The following AGBL4 variants were observed in gnomAD, a reference collection of about 807,000 sequenced individuals.
The protein encoded by AGBL4 is cytosolic carboxypeptidase 6.
AGBL4 carries 58 observed loss-of-function variants against 66.4 expected under a neutral mutation model. The observed-to-expected ratio is 0.87, with a 90% CI of 0.71 to 1.09. The LOEUF is 1.09. Among genes scored for constraint, AGBL4 ranks in the 50% least tolerant of loss-of-function variants. The pLI is 0.00. For synonymous variants in AGBL4, 234 were observed against 222.9 expected, an observed-to-expected ratio of 1.05 and a Z score of -0.44; for missense variants, 579 against 631.0, an observed-to-expected ratio of 0.92 and a Z score of 0.88.
intron 4 of AGBL4, among the ~76,000 whole-genome samples, chr1:49,239,509 T>G (rs929795747): frequency 6.6e-5 from 10 of 152,162 alleles, no homozygotes; most frequent in Non-Finnish European, 1.5e-4. Context: ...TCATTATTAT[T>G]CAAACATGGT....
intron 11 of AGBL4, among the ~76,000 whole-genome samples, chr1:48,542,603 C>CT (rs1393925511): frequency 5.9e-5 from 9 of 152,182 alleles, no homozygotes; most frequent in Admixed American, 1.3e-4. Flanking sequence ...TGATGATGAG[C>CT]TTTTTTTCAT....
At chr1:49,538,530 A>G (rs1213766376) in intron 3 of AGBL4, among the ~76,000 whole-genome samples, 1 of 152,226 alleles carries the variant, frequency 6.6e-6, no homozygotes, top group Non-Finnish European at 1.5e-5. Flanking sequence ...ATGATGCATC[A>G]TATTCTGTTT....
intron 2 of AGBL4, among the ~76,000 whole-genome samples, chr1:49,726,510 C>T (rs1649042825): frequency 6.6e-6 from 1 of 151,958 alleles, no homozygotes; most frequent in Non-Finnish European, 1.5e-5. Context: ...GAAACCCTAA[C>T]CAAAGCAGTG....
intron 3 of AGBL4, among the ~76,000 whole-genome samples, chr1:49,580,577 G>A (rs1008026192): frequency 6.6e-6 from 1 of 152,136 alleles, no homozygotes; most frequent in Non-Finnish European, 1.5e-5. Context: ...TTGTAGAACT[G>A]GACTGGTGGT....
At chr1:48,704,317 C>T (rs771613811) in intron 6 of AGBL4, among the ~76,000 whole-genome samples, 3 of 152,122 alleles carry the variant, frequency 2.0e-5, no homozygotes, top group African/African-American at 4.8e-5. Flanking sequence ...TTACTGTGCA[C>T]GAGTGTAGAC....
chr1:48,942,995 C>A, intron 5 of AGBL4, among the ~76,000 whole-genome samples: 1 of 152,216 alleles, frequency 6.6e-6, no homozygotes, highest in East Asian at 1.9e-4. Context: ...AGCAAATTAT[C>A]TAATCATCAT....
At chr1:49,412,029 T>C (rs1296878933) in intron 3 of AGBL4, among the ~76,000 whole-genome samples, 1 of 152,220 alleles carries the variant, frequency 6.6e-6, no homozygotes, top group Non-Finnish European at 1.5e-5. Flanking sequence ...AATTTGTTCA[T>C]TCACTCATGT....
intron 5 of AGBL4, among the ~76,000 whole-genome samples, chr1:48,979,663 C>A (rs1659597059): frequency 6.6e-6 from 1 of 151,710 alleles, no homozygotes; most frequent in African/African-American, 2.4e-5. Context: ...CTTCAGTGAA[C>A]AAATGTGCAT....
At chr1:48,665,822 C>G (rs1646177807) in intron 6 of AGBL4, among the ~76,000 whole-genome samples, 1 of 152,172 alleles carries the variant, frequency 6.6e-6, no homozygotes, top group Non-Finnish European at 1.5e-5. Flanking sequence ...AACACTGACC[C>G]CATCTTCCAG....
At chr1:48,893,877 C>T (rs1651244629) in intron 5 of AGBL4, among the ~76,000 whole-genome samples, 1 of 152,022 alleles carries the variant, frequency 6.6e-6, no homozygotes. Flanking sequence ...GAAAAAAGTT[C>T]CATTGTCTAC....
intron 3 of AGBL4, among the ~76,000 whole-genome samples, chr1:49,326,175 G>A (rs1195922912): frequency 1.3e-5 from 2 of 152,078 alleles, no homozygotes; most frequent in African/African-American, 2.4e-5. Flanking sequence ...TGTGGTCCAG[G>A]TCTGCAAGGA....
chr1:49,009,658 C>T (rs1662215959), intron 5 of AGBL4, among the ~76,000 whole-genome samples: 1 of 150,670 alleles, frequency 6.6e-6, no homozygotes, highest in African/African-American at 2.4e-5. Context: ...AATCCAGCAG[C>T]ACATCAAAAA....
intron 5 of AGBL4, among the ~76,000 whole-genome samples, chr1:48,939,870 A>G (rs1229725024): frequency 6.6e-6 from 1 of 152,224 alleles, no homozygotes; most frequent in African/African-American, 2.4e-5. Context: ...CACAGCGGAC[A>G]TCTGATAATA....
At chr1:48,555,766 A>G (rs2148290033) in intron 11 of AGBL4, among the ~76,000 whole-genome samples, 1 of 152,298 alleles carries the variant, frequency 6.6e-6, no homozygotes, top group Non-Finnish European at 1.5e-5. Context: ...ATGGTGAGTT[A>G]GGGCCTGAGC....
At chr1:48,540,407 T>C (rs1453236277) in intron 11 of AGBL4, among the ~76,000 whole-genome samples, 1 of 152,174 alleles carries the variant, frequency 6.6e-6, no homozygotes, top group African/African-American at 2.4e-5. Flanking sequence ...CAGAATATCT[T>C]CTCTGTGCAT....
chr1:49,959,657 T>C (rs775457560), intron 1 of AGBL4, among the ~76,000 whole-genome samples: 1 of 152,064 alleles, frequency 6.6e-6, no homozygotes, highest in African/African-American at 2.4e-5. Context: ...CAACTGCCAT[T>C]TGACCCCACA....
At chr1:48,726,655 A>C (rs1647293833) in intron 6 of AGBL4, among the ~76,000 whole-genome samples, 1 of 152,204 alleles carries the variant, frequency 6.6e-6, no homozygotes, top group Admixed American at 6.5e-5. Flanking sequence ...ATTAAAATAA[A>C]AGTTCTCAAA....
intron 2 of AGBL4, among the ~76,000 whole-genome samples, chr1:49,812,760 A>G (rs914975276): frequency 6.6e-6 from 1 of 152,122 alleles, no homozygotes; most frequent in African/African-American, 2.4e-5. Flanking sequence ...TCAATTTTCT[A>G]GTCATTTATT....
rs561117521 is a variant in AGBL4 at position 48,999,440 on chromosome 1, C to T, written c.594+46144G>A. ...ACTCAATTTTAATCTGATCTCCTCT[C>T]TCAGTAATTACATTATTCGTCAAGA... On this transcript the variant is annotated intron_variant, in intron 5 of 13. Coordinates refer to ENST00000371839, the MANE Select transcript of AGBL4 (RefSeq NM_032785.4). Among the ~76,000 whole-genome samples the T allele has an allele frequency of 6.3e-4, 96 of 152,306 alleles. 1 individual carries two copies. The highest frequency in any genetic ancestry group is 2.2e-3 in the African/African-American group (90 of 41,568).
Sources: gnomAD v4.1 joint callset for allele counts (sites outside exome capture counted in the v4.1 genomes callset) on GRCh38, gnomAD v4.1.1 for gene constraint, MANE v1.5 for transcripts, NCBI Gene and HGNC (gene_info 2026-07-23, HGNC 2026-07-21) for gene names.